Variants in MAPK10 observed in about 807,000 individuals in gnomAD.
MAPK10 encodes JNK3 alpha protein kinase.
MAPK10 carries 25 observed loss-of-function variants against 59.3 expected under a neutral mutation model. That is an observed-to-expected ratio of 0.42 (90% CI 0.31 to 0.59). The LOEUF (loss-of-function observed/expected upper bound fraction) is 0.59, where lower values mean the gene tolerates loss of function less well. Among genes scored for constraint, MAPK10 ranks in the 20% least tolerant of loss-of-function variants. The probability of loss-of-function intolerance (pLI) is 0.15; values close to 1 mark genes in which losing one functional copy is unlikely to be tolerated. For missense variants in MAPK10, 351 were observed against 568.9 expected, an observed-to-expected ratio of 0.62 and a Z score of 3.90; for synonymous variants, 190 against 200.5, an observed-to-expected ratio of 0.95 and a Z score of 0.44.
chr4:86,413,796 G>A (rs898757264), intron 1 of MAPK10, among the ~76,000 whole-genome samples: 1 of 152,176 alleles, frequency 6.6e-6, no homozygotes, highest in African/African-American at 2.4e-5. Context: ...GGTCAGGAGT[G>A]TACCATTTCT....
At chr4:86,427,555 G>A (rs1431648630) in intron 1 of MAPK10, among the ~76,000 whole-genome samples, 2 of 152,134 alleles carry the variant, frequency 1.3e-5, no homozygotes. Flanking sequence ...CACATCAGGT[G>A]CCCAATGAAT....
Position 86,051,190 on chromosome 4 carries a change from C to A in MAPK10, c.1110+13076G>T, listed in dbSNP as rs959300991. On this transcript the variant is annotated intron_variant, in intron 11 of 13. Coordinates refer to ENST00000641462, the MANE Select transcript of MAPK10 (RefSeq NM_138982.4). ...ATGGAAGTGGCTTTTATCATTCTTA[C>A]AATTGCCCTACCATTAGAAAGGGAC... 2.6e-4 allele frequency among the ~76,000 whole-genome samples: 40 copies of A among 152,152 alleles called. 1 individual carries two copies. The highest frequency in any genetic ancestry group is 5.9e-5 in the Non-Finnish European group (4 of 68,010).
At chr4:86,379,522 G>A (rs1349044613) in intron 1 of MAPK10, among the ~76,000 whole-genome samples, 1 of 152,152 alleles carries the variant, frequency 6.6e-6, no homozygotes, top group Non-Finnish European at 1.5e-5. Context: ...GCCCACGCTG[G>A]AAGGTTGTGG....
At chr4:86,137,173 C>T (rs1005750655) in intron 4 of MAPK10, among the ~76,000 whole-genome samples, 3 of 151,674 alleles carry the variant, frequency 2.0e-5, no homozygotes, top group Non-Finnish European at 4.4e-5. Flanking sequence ...CTCAGCTCTG[C>T]ACCAAGCGGA....
At chr4:86,058,616 G>A (rs2045108574) in intron 11 of MAPK10, among the ~76,000 whole-genome samples, 1 of 149,560 alleles carries the variant, frequency 6.7e-6, no homozygotes, top group African/African-American at 2.5e-5. Context: ...GTTGGTAGTG[G>A]CTTCCCATTT....
chr4:86,373,841 G>C (rs1288956546), intron 1 of MAPK10, among the ~76,000 whole-genome samples: 1 of 152,210 alleles, frequency 6.6e-6, no homozygotes, highest in East Asian at 1.9e-4. Flanking sequence ...GTGGAAGACA[G>C]TGTGGCGATT....
chr4:86,166,200 A>C (rs1030118354), intron 3 of MAPK10, among the ~76,000 whole-genome samples: 3 of 152,252 alleles, frequency 2.0e-5, no homozygotes, highest in Non-Finnish European at 2.9e-5. Context: ...TTCAACAAAT[A>C]AGAAACTCTA....
At chr4:86,430,555 T>C (rs1747900828) in intron 1 of MAPK10, among the ~76,000 whole-genome samples, 1 of 152,044 alleles carries the variant, frequency 6.6e-6, no homozygotes, top group Non-Finnish European at 1.5e-5. Flanking sequence ...TTATATACCA[T>C]AGAGTTGGGT....
chr4:86,041,183 C>T (rs1053192066), intron 11 of MAPK10, among the ~76,000 whole-genome samples: 6 of 152,126 alleles, frequency 3.9e-5, no homozygotes, highest in African/African-American at 1.4e-4. Flanking sequence ...GTTAAGGCAT[C>T]TACAACCACC....
At chr4:86,376,572 A>G (rs1739841991) in intron 1 of MAPK10, among the ~76,000 whole-genome samples, 1 of 152,214 alleles carries the variant, frequency 6.6e-6, no homozygotes, top group Non-Finnish European at 1.5e-5. Context: ...TGCTGAAATT[A>G]TGTCTCAGGC....
At chr4:86,146,073 A>G (rs2064931000) in intron 4 of MAPK10, among the ~76,000 whole-genome samples, 1 of 152,236 alleles carries the variant, frequency 6.6e-6, no homozygotes, top group African/African-American at 2.4e-5. Flanking sequence ...TGCTGCATTT[A>G]GCATTTTGGT....
upstream of MAPK10, among the ~76,000 whole-genome samples, chr4:86,363,990 T>C (rs1034960671): frequency 2.0e-5 from 3 of 152,106 alleles, no homozygotes; most frequent in African/African-American, 7.2e-5. Context: ...GTCTGTTGCA[T>C]AGGCTGATCT....
chr4:86,146,060 A>G (rs1345669856), intron 4 of MAPK10, among the ~76,000 whole-genome samples: 1 of 152,224 alleles, frequency 6.6e-6, no homozygotes, highest in East Asian at 1.9e-4. Context: ...ACCAGAGACT[A>G]CTTGCTGCAT....
rs768845494 is a variant in MAPK10, at chr4:86,067,888, C to T, written c.870G>A (p.Leu290=). The change falls in exon 10 of 14, where the codon TTG becomes TTA. Residue 290 remains leucine (L), a synonymous_variant. Transcript: ENST00000641462. ...CCACATAGTTTCTTACTGTGGGTTGCAATTTCTTCATGAATTCTGGACATG... is the reference window on the plus strand; with the variant it reads ...CCACATAGTTTCTTACTGTGGGTTGTAATTTCTTCATGAATTCTGGACATG... ...GTPCPEFMKK[L]QPTVRNYVEN... is the part of the protein sequence containing the mutation. 1.4e-5 allele frequency: 22 copies of T among 1,613,804 alleles called. No individual in the cohort carries two copies. Among genetic ancestry groups the T allele is most frequent in the Non-Finnish European group, 1.9e-5 (22 of 1,179,780 alleles).
At chr4:86,023,808 A>G (rs1748638007) in intron 13 of MAPK10, 1 of 73,892 alleles carries the variant, frequency 1.4e-5, no homozygotes, top group Non-Finnish European at 2.6e-5. Flanking sequence ...AAACAGATCA[A>G]ATGAATATAT....
chr4:86,576,784 A>C (rs1292842349), intron 1 of MAPK10, among the ~76,000 whole-genome samples: 2 of 152,050 alleles, frequency 1.3e-5, no homozygotes, highest in African/African-American at 2.4e-5. Flanking sequence ...CAAAAAAAAA[A>C]AACAAAAAAC....
chr4:86,414,976 A>C (rs772605107), intron 1 of MAPK10, among the ~76,000 whole-genome samples: 4 of 151,986 alleles, frequency 2.6e-5, no homozygotes, highest in Non-Finnish European at 4.4e-5. Context: ...TGTCTCTACA[A>C]CAAATAAAAA....
At chr4:86,364,291 T>C (rs866690361), upstream of MAPK10, among the ~76,000 whole-genome samples, 1 of 152,080 alleles carries the variant, frequency 6.6e-6, no homozygotes, top group Non-Finnish European at 1.5e-5. Context: ...CATGCCCAGC[T>C]AAATTTTTTG....
At chr4:86,267,673 T>G (rs182535343) in intron 2 of MAPK10, among the ~76,000 whole-genome samples, 7 of 152,220 alleles carry the variant, frequency 4.6e-5, no homozygotes, top group Non-Finnish European at 1.0e-4. Context: ...GTTTCATGAT[T>G]TTTGCACTTG....
Sources: gnomAD v4.1 joint callset for allele counts (sites outside exome capture counted in the v4.1 genomes callset) on GRCh38, gnomAD v4.1.1 for gene constraint, MANE v1.5 for transcripts, NCBI Gene and HGNC (gene_info 2026-07-23, HGNC 2026-07-21) for gene names.